The following PAQR5 variants were observed in gnomAD, a reference collection of about 807,000 sequenced individuals.
PAQR5 encodes the protein progestin and adipoQ receptor family member 5, also known as membrane progestin receptor gamma.
Under a neutral mutation model 34.5 loss-of-function variants are expected in PAQR5, and 20 were observed. The ratio of observed to expected loss-of-function variants is 0.58; its 90% confidence interval spans 0.41 to 0.84. PAQR5 has a LOEUF of 0.84. PAQR5 is among the 40% of genes least tolerant of loss of function. The pLI is 0.00. For missense variants in PAQR5, 378 were observed against 412.7 expected (o/e 0.92, Z 0.73); for synonymous variants, 131 against 155.6 (o/e 0.84, Z 1.18).
At chr15:69,392,003 G>A (rs746286967) in intron 6 of PAQR5, 63 of 384,436 alleles carry the variant, frequency 1.6e-4, no homozygotes, top group Non-Finnish European at 3.0e-4. Flanking sequence ...GTTGCAGTGA[G>A]CTGAGAGCAT....
chr15:69,343,926 C>T lies in PAQR5; in HGVS notation c.-116+6425C>T, dbSNP rs111704732. Among the ~76,000 whole-genome samples the T allele has an allele frequency of 2.9e-3, 449 of 152,284 alleles. 3 individuals are homozygous for T. The highest frequency in any genetic ancestry group is 9.0e-3 in the Admixed American group (137 of 15,304). ...AGCAGACAGATAAACAGTATAATGA[C>T]CTAGCAAACCCCAGCAAGCTGCTCT... On this transcript the variant is annotated intron_variant, in intron 2 of 8. Coordinates refer to ENST00000395407, the MANE Select transcript of PAQR5 (RefSeq NM_017705.4).
chr15:69,329,056 C>T (rs576165217), intron 1 of PAQR5, among the ~76,000 whole-genome samples: 32 of 152,360 alleles, frequency 2.1e-4, no homozygotes, highest in South Asian at 1.0e-3. Flanking sequence ...ATGGGGATTC[C>T]GTCTGGACGC....
intron 2 of PAQR5, among the ~76,000 whole-genome samples, chr15:69,346,239 C>T (rs2054765211): frequency 1.4e-5 from 2 of 147,260 alleles, no homozygotes; most frequent in African/African-American, 2.5e-5. Flanking sequence ...TGATTAAACA[C>T]ATAGGAATCA....
intron 2 of PAQR5, among the ~76,000 whole-genome samples, chr15:69,349,635 T>C (rs2054858566): frequency 7.2e-6 from 1 of 139,652 alleles, no homozygotes. Context: ...CCTTAGTTTA[T>C]TTTTATTTTT....
intron 6 of PAQR5, among the ~76,000 whole-genome samples, chr15:69,394,868 T>C (rs1045648950): frequency 2.6e-5 from 4 of 152,266 alleles, no homozygotes; most frequent in African/African-American, 9.6e-5. Context: ...TTTTTCTCTC[T>C]GTTGCTGTCT....
chr15:69,322,811 GGAAGAAGAA>G (rs1360531654), intron 1 of PAQR5, among the ~76,000 whole-genome samples: 1 of 25,334 alleles, frequency 3.9e-5, no homozygotes, highest in African/African-American at 9.3e-5. Context: ...AAGAGGAAGA[GGAAGAAGAA>G]GAAGAAGAAG....
Position 69,380,126 on chromosome 15 carries a change from C to A in PAQR5, c.179+116C>A. On this transcript the variant is annotated intron_variant, in intron 4 of 8. Coordinates refer to ENST00000395407, the MANE Select transcript of PAQR5 (RefSeq NM_017705.4). The stretch of plus-strand genomic sequence containing the variant: ...GATTCTGTGCTGGGGTTTGGGGATC[C>A]CCCGTGGGTACACGCGGGTGAAGGG... The A allele has an allele frequency of 2.6e-6, 3 of 1,171,868 alleles. No individual in the cohort carries two copies. The East Asian group carries it at 7.0e-5, about 27-fold the overall frequency. 72.6% of individuals were successfully genotyped at this position (1,171,868 alleles called of 1,614,324 possible).
At chr15:69,305,793 T>A (rs1369438418) in intron 1 of PAQR5, among the ~76,000 whole-genome samples, 1 of 152,174 alleles carries the variant, frequency 6.6e-6, no homozygotes, top group East Asian at 1.9e-4. Flanking sequence ...ATTTTGTTTA[T>A]TCCTCCCAAG....
intron 3 of PAQR5, among the ~76,000 whole-genome samples, chr15:69,374,314 G>C (rs1043261927): frequency 6.6e-5 from 10 of 152,156 alleles, no homozygotes; most frequent in Admixed American, 5.2e-4. Flanking sequence ...GGTCCTGCAA[G>C]GGATGTGGCA....
At chr15:69,365,850 T>C (rs1185296880) in intron 3 of PAQR5, among the ~76,000 whole-genome samples, 2 of 152,176 alleles carry the variant, frequency 1.3e-5, no homozygotes, top group Non-Finnish European at 2.9e-5. Flanking sequence ...CCATTTCCCT[T>C]TTAGTCTACG....
intron 4 of PAQR5, chr15:69,382,843 T>C (rs113084140): frequency 4.5e-5 from 3 of 66,078 alleles, no homozygotes; most frequent in African/African-American, 1.8e-4. Context: ...TATATATATA[T>C]GCATATGTTA....
At chr15:69,347,212 G>A (rs1236602761) in intron 2 of PAQR5, among the ~76,000 whole-genome samples, 1 of 152,152 alleles carries the variant, frequency 6.6e-6, no homozygotes, top group East Asian at 1.9e-4. Context: ...TATCCGGATG[G>A]CAAGAAAACA....
chr15:69,329,638 C>A (rs2054335290), intron 1 of PAQR5, among the ~76,000 whole-genome samples: 1 of 151,424 alleles, frequency 6.6e-6, no homozygotes, highest in Admixed American at 6.6e-5. Context: ...GTGTATGCCA[C>A]CACACCCGGC....
chr15:69,396,443 C>G (rs1194587938), intron 6 of PAQR5, among the ~76,000 whole-genome samples: 1 of 152,076 alleles, frequency 6.6e-6, no homozygotes, highest in East Asian at 1.9e-4. Flanking sequence ...CAGACTGCAT[C>G]AGAACAGCCA....
intron 7 of PAQR5, among the ~76,000 whole-genome samples, chr15:69,399,486 T>C (rs2056555774): frequency 6.6e-6 from 1 of 152,188 alleles, no homozygotes; most frequent in African/African-American, 2.4e-5. Flanking sequence ...AGGAGGCTAT[T>C]AGTAATTAAG....
intron 6 of PAQR5, among the ~76,000 whole-genome samples, chr15:69,390,811 C>T (rs1030493951): frequency 6.0e-5 from 9 of 151,152 alleles, no homozygotes; most frequent in East Asian, 3.9e-4. Context: ...GCCCAGCTTA[C>T]GCGCTCTAAT....
chr15:69,368,344 T>C (rs7171727), intron 3 of PAQR5, among the ~76,000 whole-genome samples: 147,728 of 152,356 alleles, frequency 0.97, 71,779 homozygotes, highest in East Asian at 1. Flanking sequence ...TGAGCCACTG[T>C]GCGTCTGCTT....
At chr15:69,335,465 G>A (rs181849265) in intron 1 of PAQR5, among the ~76,000 whole-genome samples, 5,444 of 149,660 alleles carry the variant, frequency 0.036, 343 homozygotes, top group African/African-American at 0.13. Flanking sequence ...GGCTGGTCTC[G>A]AACTCCCCAC....
chr15:69,366,682 G>T (rs2055412176), intron 3 of PAQR5, among the ~76,000 whole-genome samples: 1 of 152,228 alleles, frequency 6.6e-6, no homozygotes, highest in Non-Finnish European at 1.5e-5. Context: ...GTCTCCAGTT[G>T]TTGGAGGAAG....
Sources: gnomAD v4.1 joint callset for allele counts (sites outside exome capture counted in the v4.1 genomes callset) on GRCh38, gnomAD v4.1.1 for gene constraint, MANE v1.5 for transcripts, NCBI Gene and HGNC (gene_info 2026-07-23, HGNC 2026-07-21) for gene names.